PAM: variants seen among roughly 807,000 people sequenced by gnomAD.
The protein encoded by PAM is peptidyl-glycine alpha-amidating monooxygenase.
A neutral mutation model predicts 122.1 loss-of-function variants in PAM; 72 were observed. The ratio of observed to expected loss-of-function variants is 0.59; its 90% CI spans 0.49 to 0.72. The LOEUF (loss-of-function observed/expected upper bound fraction) is 0.72, where lower values mean the gene tolerates loss of function less well. Among genes scored for constraint, PAM ranks in the 30% least tolerant of loss-of-function variants. The pLI, the probability that PAM is intolerant of heterozygous loss-of-function variation, is 0.00. For missense variants in PAM, 1,106 were observed against 1,183.7 expected, an observed-to-expected ratio of 0.93 and a Z score of 0.96; for synonymous variants, 389 against 404.4, an observed-to-expected ratio of 0.96 and a Z score of 0.46.
intron 21 of PAM, among the ~76,000 whole-genome samples, chr5:103,016,570 A>G (rs1476801807): frequency 2.0e-5 from 3 of 152,214 alleles, no homozygotes; most frequent in Admixed American, 6.5e-5. Context: ...GTGATCCCCA[A>G]AAGAAAGTCA....
At chr5:102,924,433 C>CAAAAAAAA (rs989089756) in intron 5 of PAM, among the ~76,000 whole-genome samples, 2 of 52,198 alleles carry the variant, frequency 3.8e-5, no homozygotes, top group Non-Finnish European at 8.8e-5. Context: ...AACTCCGTCT[C>CAAAAAAAA]AAAAAAAAAA....
At chr5:102,951,401 CA>C (rs1337034927) in intron 12 of PAM, among the ~76,000 whole-genome samples, 1 of 150,168 alleles carries the variant, frequency 6.7e-6, no homozygotes, top group South Asian at 2.1e-4. Context: ...TGAACTCTTT[CA>C]AAAAAAACTT....
chr5:102,798,900 CA>C (rs1392263237), intron 1 of PAM, among the ~76,000 whole-genome samples: 24 of 152,292 alleles, frequency 1.6e-4, no homozygotes, highest in African/African-American at 5.8e-4. Flanking sequence ...TTTTACTTCT[CA>C]CTGTCCTAGA....
chr5:102,926,745 A>G (rs1749715911), intron 7 of PAM, 77 bp downstream of exon 7: 2 of 758,216 alleles, frequency 2.6e-6, no homozygotes, highest in South Asian at 3.3e-5. Context: ...ACTATTATCT[A>G]CATCTTAAAA....
At chr5:102,961,092 A>G in intron 13 of PAM, 66 bp from the exon 14 acceptor site, 1 of 808,760 alleles carries the variant, frequency 1.2e-6, no homozygotes, top group East Asian at 2.5e-5. Context: ...GACTATTTCC[A>G]ATAAACTATT....
intron 19 of PAM, among the ~76,000 whole-genome samples, 181 bp downstream of exon 19, chr5:103,007,192 TACACACAC>T (rs56140031): frequency 6.4e-4 from 90 of 141,574 alleles, no homozygotes; most frequent in African/African-American, 2.1e-3. Context: ...CACATATACA[TACACACAC>T]ACACACACAC....
chr5:102,801,850 C>T (rs969702518), intron 1 of PAM, among the ~76,000 whole-genome samples: 1 of 142,094 alleles, frequency 7.0e-6, no homozygotes, highest in Admixed American at 7.3e-5. Flanking sequence ...GCGATCTCGG[C>T]TCACTGCAAG....
At chr5:102,820,183 G>A (rs1381276008) in intron 1 of PAM, among the ~76,000 whole-genome samples, 1 of 152,022 alleles carries the variant, frequency 6.6e-6, no homozygotes, top group African/African-American at 2.4e-5. Context: ...TAAATAAATT[G>A]AGCTGATGGG....
At chr5:102,830,291 C>A (rs1775047173) in intron 1 of PAM, among the ~76,000 whole-genome samples, 2 of 152,098 alleles carry the variant, frequency 1.3e-5, no homozygotes, top group African/African-American at 4.8e-5. Flanking sequence ...CGATTGAAGT[C>A]ATTAAGGTGG....
chr5:102,767,014 C>T (rs532670313), intron 1 of PAM, among the ~76,000 whole-genome samples: 131 of 88,974 alleles, frequency 1.5e-3, no homozygotes, highest in Non-Finnish European at 2.4e-3. Context: ...TTTTCTTTGT[C>T]TGTAAAATCT....
At chr5:102,914,904 A>C (rs1802634941) in intron 5 of PAM, among the ~76,000 whole-genome samples, 1 of 152,110 alleles carries the variant, frequency 6.6e-6, no homozygotes, top group Non-Finnish European at 1.5e-5. Context: ...TCATGCCATA[A>C]ACAATCAGTA....
chr5:102,910,073 A>G (rs1218254576), intron 4 of PAM, among the ~76,000 whole-genome samples: 1 of 151,908 alleles, frequency 6.6e-6, no homozygotes. Context: ...GTTCTTCAGA[A>G]TCTTTCTATG....
intron 7 of PAM, among the ~76,000 whole-genome samples, chr5:102,933,235 T>G (rs1752182194): frequency 6.6e-6 from 1 of 152,242 alleles, no homozygotes. Flanking sequence ...AGAATCTAGA[T>G]GAGTTTCATA....
intron 21 of PAM, among the ~76,000 whole-genome samples, chr5:103,013,267 T>C (rs1781149786): frequency 6.6e-6 from 1 of 152,284 alleles, no homozygotes; most frequent in African/African-American, 2.4e-5. Context: ...ATAGTTTTCA[T>C]TGTAGAGATC....
intron 19 of PAM, among the ~76,000 whole-genome samples, 164 bp downstream of exon 19, chr5:103,007,175 A>C (rs1254844371): frequency 1.4e-5 from 2 of 140,580 alleles, no homozygotes; most frequent in Non-Finnish European, 3.1e-5. Flanking sequence ...TCACACACAC[A>C]CACACACACA....
chr5:102,849,444 G>C (rs111921185), intron 1 of PAM, among the ~76,000 whole-genome samples: 2 of 151,630 alleles, frequency 1.3e-5, no homozygotes, highest in Non-Finnish European at 2.9e-5. Flanking sequence ...TGTAGTCCCA[G>C]CTACTTGGGA....
intron 21 of PAM, among the ~76,000 whole-genome samples, 158 bp downstream of exon 21, chr5:103,010,024 T>A (rs1199572778): frequency 6.6e-6 from 1 of 152,102 alleles, no homozygotes; most frequent in Non-Finnish European, 1.5e-5. Context: ...TTTTATTTTT[T>A]ATTTTATATT....
chr5:102,955,123 T>C (rs765203647), intron 12 of PAM, among the ~76,000 whole-genome samples: 1 of 152,090 alleles, frequency 6.6e-6, no homozygotes, highest in Non-Finnish European at 1.5e-5. Context: ...CTAACATTTG[T>C]TGAATATAAA....
chr5:102,869,629 T>A (rs1561695935), intron 3 of PAM, among the ~76,000 whole-genome samples: 1 of 152,200 alleles, frequency 6.6e-6, no homozygotes, highest in Admixed American at 6.5e-5. Flanking sequence ...ATACAGATCT[T>A]ATACTTTGTA....
Sources: allele counts gnomAD v4.1 joint callset (sites outside exome capture counted in the v4.1 genomes callset), GRCh38; gene constraint gnomAD v4.1.1; transcripts MANE v1.5; gene names NCBI Gene and HGNC (gene_info 2026-07-23, HGNC 2026-07-21).